The following CFAP54 variants were observed in gnomAD, a reference collection of about 807,000 sequenced individuals.
CFAP54 encodes the protein cilia and flagella associated protein 54.
CFAP54 carries 290 observed loss-of-function variants against 370.4 expected under a neutral mutation model. The ratio of observed to expected loss-of-function variants is 0.78; its 90% confidence interval spans 0.71 to 0.86. CFAP54 has a LOEUF of 0.86. Ranked by LOEUF, CFAP54 falls within the 40% of genes least tolerant of loss-of-function variation. CFAP54 has a pLI of 0.00. For missense variants in CFAP54, 3,399 were observed against 3,528.7 expected (o/e 0.96, Z 0.93); for synonymous variants, 1,206 against 1,236.5 (o/e 0.98, Z 0.52).
chr12:96,505,463 C>G (rs1955089142), intron 3 of CFAP54, among the ~76,000 whole-genome samples: 1 of 151,204 alleles, frequency 6.6e-6, no homozygotes, highest in African/African-American at 2.4e-5. Flanking sequence ...AATGCTCTCT[C>G]TCTTTTTCTG....
At chr12:96,831,041 T>C (rs1959169519) in intron 66 of CFAP54, among the ~76,000 whole-genome samples, 1 of 152,178 alleles carries the variant, frequency 6.6e-6, no homozygotes, top group Admixed American at 6.5e-5. Flanking sequence ...AAATAGTATA[T>C]CATTATTGTA....
At chr12:96,851,398 A>G (rs1051248410) in intron 66 of CFAP54, among the ~76,000 whole-genome samples, 5 of 152,104 alleles carry the variant, frequency 3.3e-5, no homozygotes, top group African/African-American at 1.2e-4. Flanking sequence ...GTTTTTCCAA[A>G]TAATAAAGCT....
At chr12:96,787,817 G>C (rs1328137359) in intron 62 of CFAP54, among the ~76,000 whole-genome samples, 1 of 151,994 alleles carries the variant, frequency 6.6e-6, no homozygotes, top group Non-Finnish European at 1.5e-5. Context: ...ATTAATACTA[G>C]CAGAAATAAT....
intron 39 of CFAP54, among the ~76,000 whole-genome samples, chr12:96,664,774 T>TCA (rs1957054889): frequency 3.1e-5 from 1 of 31,794 alleles, no homozygotes; most frequent in African/African-American, 1.5e-4. Flanking sequence ...TCTATATCTA[T>TCA]ATCTATATAT....
chr12:96,798,528 G>GT (rs1958789248), intron 63 of CFAP54, among the ~76,000 whole-genome samples: 2 of 151,938 alleles, frequency 1.3e-5, no homozygotes, highest in South Asian at 2.1e-4. Context: ...TTTCCTCTTT[G>GT]TTTTTTGCAT....
chr12:96,641,175 C>G (rs1443927518), intron 32 of CFAP54, among the ~76,000 whole-genome samples: 6 of 151,916 alleles, frequency 3.9e-5, no homozygotes, highest in Non-Finnish European at 4.4e-5. Context: ...TGCAATCTAT[C>G]CATCTGACAA....
chr12:96,825,401 G>T (rs1306385050), intron 65 of CFAP54, among the ~76,000 whole-genome samples: 1 of 102,718 alleles, frequency 9.7e-6, no homozygotes, highest in African/African-American at 3.7e-5. Context: ...GTAACATGTT[G>T]TATTATATAA....
chr12:96,817,405 A>G (rs1244003870), intron 64 of CFAP54, among the ~76,000 whole-genome samples: 1 of 151,118 alleles, frequency 6.6e-6, no homozygotes, highest in Admixed American at 6.6e-5. Context: ...CAAGTTATTG[A>G]TGCTGCAAAT....
intron 32 of CFAP54, among the ~76,000 whole-genome samples, chr12:96,636,332 T>C (rs1463229576): frequency 2.6e-5 from 4 of 152,188 alleles, no homozygotes; most frequent in African/African-American, 9.6e-5. Context: ...TGAGTTCCTT[T>C]TGATGAATTA....
At chr12:96,674,258 G>A (rs1957178413) in intron 39 of CFAP54, among the ~76,000 whole-genome samples, 1 of 151,950 alleles carries the variant, frequency 6.6e-6, no homozygotes, top group Admixed American at 6.6e-5. Context: ...ATCCTTCCGT[G>A]GTGGACCCCT....
At chr12:96,552,901 T>C (rs1021090532) in intron 15 of CFAP54, among the ~76,000 whole-genome samples, 1 of 152,172 alleles carries the variant, frequency 6.6e-6, no homozygotes, top group Non-Finnish European at 1.5e-5. Flanking sequence ...TTGCATGAAT[T>C]TGTAATTCAG....
chr12:96,556,865 A>G (rs1190961802), intron 17 of CFAP54, among the ~76,000 whole-genome samples: 3 of 152,226 alleles, frequency 2.0e-5, no homozygotes, highest in Admixed American at 1.3e-4. Context: ...GAACACATGG[A>G]CACATAGAGG....
rs1555320285 is a variant in CFAP54 at position 96,756,482 on chromosome 12, T to C, written c.7865T>C (p.Met2622Thr). 1 of 1,600,380 alleles carries C rather than the reference T, an allele frequency of 6.2e-7. No individual in the cohort carries two copies. Among genetic ancestry groups the C allele is most frequent in the South Asian group, 1.1e-5 (1 of 89,154 alleles). The change falls in exon 57 of 68, where the codon ATG becomes ACG. Residue 2622 changes from methionine (M) to threonine (T), a missense_variant. Physicochemically the swap from Met to Thr is moderately conservative, Grantham distance 81. Coordinates refer to ENST00000524981, the MANE Select transcript of CFAP54 (RefSeq NM_001306084.2). ...GGCAAAATAGAACGTCAAATACTAA[T>C]GGAAGAGAAATCTCCAAGTTTTCAA... ...QKGKIERQIL[M>T]EEKSPSFQLE...
chr12:96,613,945 C>A (rs539059614), intron 26 of CFAP54, among the ~76,000 whole-genome samples: 1 of 151,506 alleles, frequency 6.6e-6, no homozygotes, highest in Non-Finnish European at 1.5e-5. Flanking sequence ...CAAGGAGGAG[C>A]GGGTACCATT....
intron 15 of CFAP54, 50 bp downstream of exon 15, chr12:96,548,028 C>G (rs1451582404): frequency 1.7e-5 from 13 of 776,736 alleles, no homozygotes; most frequent in East Asian, 3.0e-5. Flanking sequence ...ATTTTATTTT[C>G]AAATAATATT....
At chr12:96,508,491 A>T (rs1327072105) in intron 4 of CFAP54, among the ~76,000 whole-genome samples, 2 of 151,528 alleles carry the variant, frequency 1.3e-5, no homozygotes, top group South Asian at 4.2e-4. Flanking sequence ...TTACCATGGT[A>T]GCCAGGCTGG....
chr12:96,605,849 G>A (rs1956293856), intron 26 of CFAP54, among the ~76,000 whole-genome samples: 1 of 152,162 alleles, frequency 6.6e-6, no homozygotes, highest in East Asian at 1.9e-4. Flanking sequence ...CTCTGGGGAT[G>A]AGACTTAGGT....
intron 36 of CFAP54, among the ~76,000 whole-genome samples, chr12:96,656,305 C>G (rs11108620): frequency 9.0e-4 from 137 of 152,066 alleles, no homozygotes; most frequent in African/African-American, 2.9e-3. Context: ...TTCTCTCCCC[C>G]CCCCTCCCCT....
chr12:96,575,872 A>G (rs978681443), intron 19 of CFAP54, among the ~76,000 whole-genome samples: 5 of 152,088 alleles, frequency 3.3e-5, no homozygotes, highest in African/African-American at 4.8e-5. Flanking sequence ...TAATCTTTAC[A>G]TGGGTTTTTA....
Sources: gnomAD v4.1 joint callset for allele counts (sites outside exome capture counted in the v4.1 genomes callset) on GRCh38, gnomAD v4.1.1 for gene constraint, MANE v1.5 for transcripts, NCBI Gene and HGNC (gene_info 2026-07-23, HGNC 2026-07-21) for gene names.